The following ADAM17 variants were observed in gnomAD, a reference collection of about 807,000 sequenced individuals.
ADAM17 encodes disintegrin and metalloproteinase domain-containing protein 17.
In ADAM17, 39 loss-of-function variants were observed where a neutral mutation model predicts 96.7. That is an observed-to-expected ratio of 0.40 (90% confidence interval 0.31 to 0.53). The LOEUF (loss-of-function observed/expected upper bound fraction) is 0.53. ADAM17 is among the 20% of genes least tolerant of loss of function. ADAM17 has a pLI of 0.44. For synonymous variants in ADAM17, 344 were observed against 359.2 expected, an observed-to-expected ratio of 0.96 and a Z score of 0.48; for missense variants, 777 against 1,013.2, an observed-to-expected ratio of 0.77 and a Z score of 3.17.
chr2:9,530,047 T>C (rs923023721), intron 4 of ADAM17, among the ~76,000 whole-genome samples: 5 of 152,196 alleles, frequency 3.3e-5, no homozygotes, highest in African/African-American at 1.2e-4. Context: ...GTGAATTTTA[T>C]CTCAATAAAA....
chr2:9,490,420 C>A lies in ADAM17; in HGVS notation c.2232G>T (p.Val744=). Residue 744 remains valine (V), a synonymous_variant, in exon 19 of 19, where the codon GTG becomes GTT. Coordinates refer to ENST00000310823, the MANE Select transcript of ADAM17 (RefSeq NM_003183.6). ...TTGGAGCTGCTGGCGCCGAAGGGAT[C>A]ACAGGGGCAGGCTGCAGGCGGCCTG... ...QTPGRLQPAP[V]IPSAPAAPKL... 6.2e-7 allele frequency: 1 copy of A among 1,614,156 alleles called. No homozygotes were observed.
chr2:9,527,725 C>T, intron 5 of ADAM17, 61 bp downstream of exon 5: 1 of 1,147,208 alleles, frequency 8.7e-7, no homozygotes, highest in South Asian at 2.5e-5. Flanking sequence ...AACAACCACC[C>T]CTACTGAAGT....
intron 1 of ADAM17, among the ~76,000 whole-genome samples, chr2:9,555,148 G>A (rs1014077624): frequency 6.6e-6 from 1 of 151,974 alleles, no homozygotes; most frequent in Non-Finnish European, 1.5e-5. Flanking sequence ...CACTAGATTT[G>A]TTCCCTACTA....
At chr2:9,537,640 G>A (rs1231367129) in intron 2 of ADAM17, among the ~76,000 whole-genome samples, 8 of 151,814 alleles carry the variant, frequency 5.3e-5, no homozygotes, top group Non-Finnish European at 1.2e-4. Flanking sequence ...GCTGAGGCAG[G>A]AGAATGGAGT....
rs537672366 is a variant in ADAM17 at position 9,502,050 on chromosome 2, C to T, written c.1648+123G>A. The T allele has an allele frequency of 7.0e-6, 6 of 858,004 alleles. No individual in the cohort carries two copies. In the South Asian group the frequency reaches 1.0e-4, roughly 14 times the overall value. The allele number at this position is 858,004 out of a possible 1,614,324, so 53.1% of individuals were successfully genotyped here. ...GTCACAAACTAAGGAGTGCCAGAAA[C>T]TCAACCCGGCATATGAGATTAAAAA... On this transcript the variant is annotated intron_variant, in intron 13 of 18. Coordinates refer to ENST00000310823, the MANE Select transcript of ADAM17 (RefSeq NM_003183.6).
chr2:9,538,308 C>T (rs1174204313), intron 2 of ADAM17, among the ~76,000 whole-genome samples: 1 of 152,284 alleles, frequency 6.6e-6, no homozygotes, highest in East Asian at 1.9e-4. Context: ...TTGCAAAAGT[C>T]TTTAAACTAC....
intron 16 of ADAM17, 38 bp downstream of exon 16, chr2:9,493,709 A>T: frequency 1.3e-6 from 2 of 1,551,110 alleles, no homozygotes; most frequent in Non-Finnish European, 8.9e-7. Flanking sequence ...ACAGAAATTG[A>T]CTCAGCTCTC....
intron 10 of ADAM17, among the ~76,000 whole-genome samples, chr2:9,516,623 G>A (rs1664071740): frequency 6.6e-6 from 1 of 152,036 alleles, no homozygotes; most frequent in African/African-American, 2.4e-5. Flanking sequence ...CGTGGTGACA[G>A]GTGCTTGTAA....
At position 9,490,376 on chromosome 2, in the gene ADAM17, A is replaced by G. The variant is rs771579137; in HGVS notation, c.2276T>C (p.Met759Thr). Residue 759 changes from methionine to threonine, a missense_variant, in exon 19 of 19, where the codon ATG (methionine) becomes ACG (threonine). By Grantham distance (81) the Met-to-Thr change is moderately conservative (BLOSUM62 -1). This residue lies in a region of ADAM17 where 197 missense variants were observed against 219.4 expected (regional missense o/e 0.90). Coordinates refer to ENST00000310823, the MANE Select transcript of ADAM17 (RefSeq NM_003183.6). ...PAAPKLDHQR[M>T]DTIQEDPSTD... ...GCTGGGGTCTTCCTGGATGGTGTCC[A>G]TTCTCTGGTGGTCCAGTTTTGGAGC... 4 of 1,614,036 alleles carry G rather than the reference A, an allele frequency of 2.5e-6. No individual in the cohort carries two copies. The highest frequency in any genetic ancestry group is 2.2e-5 in the East Asian group (1 of 44,882).
chr2:9,534,674 A>G (rs1276117271), intron 4 of ADAM17, among the ~76,000 whole-genome samples: 1 of 152,232 alleles, frequency 6.6e-6, no homozygotes, highest in Non-Finnish European at 1.5e-5. Flanking sequence ...AGGAAAAAAT[A>G]GTGGGTATAA....
At chr2:9,514,355 C>T (rs1478495043) in intron 10 of ADAM17, among the ~76,000 whole-genome samples, 2 of 67,920 alleles carry the variant, frequency 2.9e-5, no homozygotes, top group Admixed American at 2.8e-4. Context: ...CGGTGCCTGT[C>T]GTGGGGTGGG....
chr2:9,511,833 T>A (rs1397080079), intron 10 of ADAM17, among the ~76,000 whole-genome samples: 3 of 151,804 alleles, frequency 2.0e-5, no homozygotes, highest in Non-Finnish European at 4.4e-5. Flanking sequence ...TAGCCAGGCA[T>A]TGTGGTGGGC....
At chr2:9,529,837 G>A (rs570182619) in intron 4 of ADAM17, among the ~76,000 whole-genome samples, 1 of 152,116 alleles carries the variant, frequency 6.6e-6, no homozygotes, top group East Asian at 1.9e-4. Context: ...CGGGCATGGT[G>A]GTGGGCGCCT....
At position 9,536,720 on chromosome 2, in the gene ADAM17, G is replaced by A. The variant is rs1664974310; in HGVS notation, c.339C>T (p.Asp113=). The A allele has an allele frequency of 6.2e-7, 1 of 1,613,938 alleles. No homozygotes were observed. The highest frequency in any genetic ancestry group is 1.3e-5 in the African/African-American group (1 of 74,890). The change falls in exon 3 of 19, where the codon GAC becomes GAT. Residue 113 remains aspartate, a synonymous_variant. Transcript: ENST00000310823. ...AACCAACCACGTGTCCAGTGAAGAA[G>A]TCCTGCCATTTTACAGTGTACTCGC... is the stretch of plus-strand genomic sequence containing the variant. ...NESEYTVKWQ[D]FFTGHVVGEP...
Position 9,527,930 on chromosome 2 carries a change from T to A in ADAM17, c.475A>T (p.Thr159Ser). The change falls in exon 5 of 19, where the codon ACC becomes TCC. Residue 159 changes from threonine (T) to serine (S), a missense_variant. Thr to Ser is a moderately conservative substitution (Grantham distance 58, BLOSUM62 1). This residue lies in a region of ADAM17 where 446 missense variants were observed against 664.7 expected (regional missense o/e 0.67). Transcript: ENST00000310823. The part of the protein sequence containing the change: ...IEPLWRFVND[T>S]KDKRMLVYKS... ...TAAACTAACATTCTTTTGTCTTTGG[T>A]ATCATTAACAAATCTCCAAAGTGGC... is the stretch of plus-strand genomic sequence containing the variant. 6.4e-7 allele frequency: 1 copy of A among 1,570,736 alleles called. No individual in the cohort carries two copies. Among genetic ancestry groups the A allele is most frequent in the Non-Finnish European group, 8.6e-7 (1 of 1,159,258 alleles).
intron 10 of ADAM17, among the ~76,000 whole-genome samples, chr2:9,517,314 C>G (rs959259408): frequency 6.6e-6 from 1 of 152,136 alleles, no homozygotes; most frequent in African/African-American, 2.4e-5. Context: ...AGGTGACAAA[C>G]AAAGATAAGA....
At chr2:9,542,740 C>T (rs762091672) in intron 2 of ADAM17, among the ~76,000 whole-genome samples, 22 of 152,048 alleles carry the variant, frequency 1.4e-4, no homozygotes, top group Non-Finnish European at 2.6e-4. Flanking sequence ...ACTCTGTTGC[C>T]CAGTCTGGAG....
intron 1 of ADAM17, among the ~76,000 whole-genome samples, chr2:9,554,672 G>A (rs1375586393): frequency 6.6e-6 from 1 of 152,054 alleles, no homozygotes; most frequent in African/African-American, 2.4e-5. Context: ...AAAGATAAAA[G>A]GATTTTAAAA....
intron 4 of ADAM17, among the ~76,000 whole-genome samples, chr2:9,533,625 C>T (rs1380221445): frequency 1.3e-5 from 2 of 152,182 alleles, no homozygotes; most frequent in East Asian, 3.8e-4. Flanking sequence ...TGTGCATTTA[C>T]CACACTATTT....
Sources: allele counts gnomAD v4.1 joint callset (sites outside exome capture counted in the v4.1 genomes callset), GRCh38; gene constraint gnomAD v4.1.1; regional missense constraint gnomAD v4.1.1; transcripts MANE v1.5; gene names NCBI Gene and HGNC (gene_info 2026-07-23, HGNC 2026-07-21).